TENM3: variants seen among roughly 807,000 people sequenced by gnomAD.
The protein encoded by TENM3 is teneurin transmembrane protein 3, also known as teneurin-3.
A neutral mutation model predicts 255.1 loss-of-function variants in TENM3; 63 were observed. The observed-to-expected ratio is 0.25, with a 90% CI of 0.20 to 0.30. TENM3 has a LOEUF of 0.30. Ranked by LOEUF, TENM3 falls within the 10% of genes least tolerant of loss-of-function variation. The pLI, the probability that TENM3 is intolerant of heterozygous loss-of-function variation, is 1.00. For missense variants in TENM3, 2,929 were observed against 3,461.1 expected, an observed-to-expected ratio of 0.85 and a Z score of 3.86; for synonymous variants, 1,306 against 1,322.3, an observed-to-expected ratio of 0.99 and a Z score of 0.27.
At chr4:182,676,970 G>A (rs78979731) in intron 7 of TENM3, among the ~76,000 whole-genome samples, 2,829 of 152,104 alleles carry the variant, frequency 0.019, 52 homozygotes, top group East Asian at 0.052. Context: ...TTCCTAAAAA[G>A]AGCATAAGGT....
rs545585288 is a variant in TENM3, at chr4:182,750,263, A to G, written c.3630-1537A>G. On this transcript the variant is annotated intron_variant, in intron 19 of 27. Transcript: ENST00000511685. ...TTCACACACATTTACACACTCTAAG[A>G]TGTCTTGCCCTAGTCTGTCTTTTGT... Among the ~76,000 whole-genome samples, 7 of 152,290 alleles carry G rather than the reference A, an allele frequency of 4.6e-5. No individual in the cohort carries two copies. In the South Asian group the frequency reaches 1.5e-3, roughly 32 times the overall value.
At chr4:182,037,968 A>T in the TENM3 span, among the ~76,000 whole-genome samples, 5 of 152,182 alleles carry the variant, frequency 3.3e-5, no homozygotes, top group African/African-American at 1.2e-4. Context: ...AGTAGCTGGG[A>T]TTACAGGTGC....
At chr4:181,668,077 TG>T in the TENM3 span, among the ~76,000 whole-genome samples, 2 of 152,218 alleles carry the variant, frequency 1.3e-5, no homozygotes, top group Non-Finnish European at 2.9e-5. Context: ...AATTTCATTC[TG>T]GGCCCAATGC....
At chr4:181,747,864 C>T in the TENM3 span, among the ~76,000 whole-genome samples, 1 of 151,872 alleles carries the variant, frequency 6.6e-6, no homozygotes, top group African/African-American at 2.4e-5. Flanking sequence ...CTTTTTTCTT[C>T]AAATAGTTAA....
At chr4:181,797,993 A>C in the TENM3 span, among the ~76,000 whole-genome samples, 1 of 152,140 alleles carries the variant, frequency 6.6e-6, no homozygotes, top group Non-Finnish European at 1.5e-5. Context: ...ATTTTTCAGC[A>C]GTTCTCACTG....
chr4:182,115,221 C>T, the TENM3 span, among the ~76,000 whole-genome samples: 1 of 152,042 alleles, frequency 6.6e-6, no homozygotes, highest in Non-Finnish European at 1.5e-5. Flanking sequence ...CCAGTCCTTC[C>T]AATTGTTGCC....
chr4:182,045,998 TC>T, the TENM3 span, among the ~76,000 whole-genome samples: 3 of 152,022 alleles, frequency 2.0e-5, no homozygotes, highest in Non-Finnish European at 4.4e-5. Flanking sequence ...CAGTGAACCA[TC>T]AACAGAAAAC....
intron 3 of TENM3, among the ~76,000 whole-genome samples, chr4:182,528,319 T>C (rs1485585875): frequency 6.6e-6 from 1 of 152,142 alleles, no homozygotes; most frequent in Non-Finnish European, 1.5e-5. Context: ...GGTTTCACAG[T>C]GTCGGCCAGG....
chr4:181,705,649 A>C, the TENM3 span, among the ~76,000 whole-genome samples: 1 of 152,222 alleles, frequency 6.6e-6, no homozygotes, highest in Non-Finnish European at 1.5e-5. Flanking sequence ...TGCTGGGCTT[A>C]ATAACTAGGT....
the TENM3 span, among the ~76,000 whole-genome samples, chr4:181,610,193 A>G: frequency 6.6e-6 from 1 of 152,136 alleles, no homozygotes; most frequent in Non-Finnish European, 1.5e-5. Flanking sequence ...TTTTTGACTG[A>G]TAAGTTGTCT....
chr4:182,557,589 C>T (rs1742698737), intron 3 of TENM3, among the ~76,000 whole-genome samples: 1 of 152,158 alleles, frequency 6.6e-6, no homozygotes, highest in Admixed American at 6.6e-5. Flanking sequence ...GAATTTGGCC[C>T]TTGCTCTGTT....
the TENM3 span, among the ~76,000 whole-genome samples, chr4:181,450,087 A>G: frequency 2.0e-5 from 3 of 152,192 alleles, no homozygotes; most frequent in Non-Finnish European, 4.4e-5. Context: ...CTTAGAAAAT[A>G]TTACATTAAC....
intron 1 of TENM3, among the ~76,000 whole-genome samples, chr4:182,290,325 G>A (rs1302585864): frequency 6.6e-6 from 1 of 152,138 alleles, no homozygotes; most frequent in Non-Finnish European, 1.5e-5. Flanking sequence ...CAGCTGCAGA[G>A]GCCTGGTTTC....
At chr4:181,581,282 A>C in the TENM3 span, among the ~76,000 whole-genome samples, 1 of 152,126 alleles carries the variant, frequency 6.6e-6, no homozygotes, top group Admixed American at 6.5e-5. Context: ...CTCTGTGAAA[A>C]ATACAGAAAT....
chr4:182,764,822 A>C (rs1763541700), intron 22 of TENM3, among the ~76,000 whole-genome samples: 1 of 152,162 alleles, frequency 6.6e-6, no homozygotes, highest in Admixed American at 6.5e-5. Context: ...CTGTTCAAGG[A>C]GTTTAACAGG....
the TENM3 span, among the ~76,000 whole-genome samples, chr4:182,094,668 C>T: frequency 2.0e-5 from 3 of 151,880 alleles, no homozygotes; most frequent in African/African-American, 7.3e-5. Context: ...AGAATAATAC[C>T]CCAACAGACA....
At chr4:182,330,802 T>C (rs1763698285) in intron 2 of TENM3, among the ~76,000 whole-genome samples, 1 of 152,160 alleles carries the variant, frequency 6.6e-6, no homozygotes. Flanking sequence ...ACAGAGCAAC[T>C]GGAAATGTGT....
the TENM3 span, among the ~76,000 whole-genome samples, chr4:181,556,859 G>A: frequency 6.6e-6 from 1 of 152,056 alleles, no homozygotes; most frequent in African/African-American, 2.4e-5. Context: ...AACATCTCAA[G>A]TGCATAGTAT....
intron 12 of TENM3, chr4:182,711,726 TG>T (rs1758759793): frequency 4.5e-6 from 1 of 222,996 alleles, no homozygotes; most frequent in East Asian, 1.8e-4. Context: ...AGTTAAATTA[TG>T]TAAAATGCCT....
Sources: allele counts gnomAD v4.1 joint callset (sites outside exome capture counted in the v4.1 genomes callset), GRCh38; gene constraint gnomAD v4.1.1; transcripts MANE v1.5; gene names NCBI Gene and HGNC (gene_info 2026-07-23, HGNC 2026-07-21).